The following NFKB1 variants were observed in gnomAD, a reference collection of about 807,000 sequenced individuals.
NFKB1 encodes nuclear factor NF-kappa-B p105 subunit.
Under a neutral mutation model 105.1 loss-of-function variants are expected in NFKB1, and 9 were observed. The ratio of observed to expected loss-of-function variants is 0.09; its 90% CI spans 0.05 to 0.15. NFKB1 has a LOEUF of 0.15. NFKB1 is among the 10% of genes least tolerant of loss of function. The probability of loss-of-function intolerance (pLI) is 1.00; values close to 1 mark genes in which losing one functional copy is unlikely to be tolerated. For synonymous variants in NFKB1, 440 were observed against 442.2 expected (o/e 1.00, Z 0.06); for missense variants, 830 against 1,203.7 (o/e 0.69, Z 4.59).
intron 1 of NFKB1, among the ~76,000 whole-genome samples, chr4:102,507,937 A>G (rs1416525017): frequency 6.6e-6 from 1 of 152,220 alleles, no homozygotes; most frequent in Non-Finnish European, 1.5e-5. Flanking sequence ...TCCCTAATCA[A>G]CCTATTTATT....
chr4:102,573,201 G>A (rs984155504), intron 6 of NFKB1, among the ~76,000 whole-genome samples: 12 of 152,090 alleles, frequency 7.9e-5, no homozygotes, highest in East Asian at 1.9e-4. Context: ...CCAGCTACTC[G>A]AGAGGCCGAG....
At chr4:102,573,484 C>T (rs1389161939) in intron 6 of NFKB1, among the ~76,000 whole-genome samples, 1 of 151,928 alleles carries the variant, frequency 6.6e-6, no homozygotes, top group Admixed American at 6.6e-5. Flanking sequence ...CTTCCTCACT[C>T]GTTTTAAGCA....
At chr4:102,582,211 G>A (rs1195406945) in intron 9 of NFKB1, among the ~76,000 whole-genome samples, 1 of 152,166 alleles carries the variant, frequency 6.6e-6, no homozygotes, top group East Asian at 1.9e-4. Context: ...TGAACTAAGA[G>A]ACTATTATAG....
At chr4:102,568,376 C>G (rs1724048721) in intron 6 of NFKB1, among the ~76,000 whole-genome samples, 1 of 152,130 alleles carries the variant, frequency 6.6e-6, no homozygotes, top group Non-Finnish European at 1.5e-5. Flanking sequence ...TCAACATCCT[C>G]TTGAAAGACT....
At chr4:102,565,316 A>T (rs539667166) in intron 5 of NFKB1, among the ~76,000 whole-genome samples, 112 of 152,286 alleles carry the variant, frequency 7.4e-4, no homozygotes, top group Admixed American at 1.2e-3. Flanking sequence ...AGCCAAGTGC[A>T]TGCATACAGG....
rs776457144 is a variant in NFKB1, at chr4:102,594,951, A to G, written c.1270A>G (p.Thr424Ala). 1 of 1,610,866 alleles carries G rather than the reference A, an allele frequency of 6.2e-7. No individual in the cohort carries two copies. Among genetic ancestry groups the G allele is most frequent in the East Asian group, 2.2e-5 (1 of 44,884 alleles). Residue 424 changes from threonine (T) to alanine (A), a missense_variant, in exon 13 of 24, where the codon ACT becomes GCT. This residue lies in a region of NFKB1 where 163 missense variants were observed against 164.3 expected (regional missense o/e 0.99). Coordinates refer to ENST00000226574, the MANE Select transcript of NFKB1 (RefSeq NM_003998.4). ...TYGGITFHPG[T>A]TKSNAGMKHG... ...TGGTGGGATTACTTTCCATCCTGGA[A>G]CTACTAAATCTAATGCTGGGATGAA...
At chr4:102,514,719 T>C (rs570742370) in intron 1 of NFKB1, among the ~76,000 whole-genome samples, 1 of 152,356 alleles carries the variant, frequency 6.6e-6, no homozygotes, top group East Asian at 1.9e-4. Context: ...TTTGTCATTT[T>C]TTCCATTAGT....
chr4:102,518,792 A>G (rs1436299980), intron 1 of NFKB1, among the ~76,000 whole-genome samples: 1 of 152,266 alleles, frequency 6.6e-6, no homozygotes, highest in East Asian at 1.9e-4. Context: ...AGCTGGTGCT[A>G]GGGAGCCTCA....
chr4:102,616,393 C>G, intron 23 of NFKB1, 41 bp from the exon 24 acceptor site: 1 of 1,605,968 alleles, frequency 6.2e-7, no homozygotes, highest in Non-Finnish European at 8.5e-7. Flanking sequence ...CTTTTTAGAG[C>G]CCGGCCATTC....
intron 5 of NFKB1, among the ~76,000 whole-genome samples, chr4:102,564,978 AG>A (rs1713628287): frequency 6.6e-6 from 1 of 152,224 alleles, no homozygotes; most frequent in South Asian, 2.1e-4. Flanking sequence ...GTCAACACCA[AG>A]AAACACAACT....
At chr4:102,580,671 AGG>A in intron 9 of NFKB1, 32 bp downstream of exon 9, 1 of 1,559,818 alleles carries the variant, frequency 6.4e-7, no homozygotes, top group Non-Finnish European at 8.8e-7. Context: ...TGATCTCAAG[AGG>A]TGTGATCTTG....
At chr4:102,588,995 A>G (rs111290103) in intron 11 of NFKB1, among the ~76,000 whole-genome samples, 177 of 152,308 alleles carry the variant, frequency 1.2e-3, no homozygotes, top group African/African-American at 4.0e-3. Flanking sequence ...TCCCTTGAAT[A>G]TGGAGTGTGA....
chr4:102,508,311 A>G (rs1739559716), intron 1 of NFKB1, among the ~76,000 whole-genome samples: 1 of 152,228 alleles, frequency 6.6e-6, no homozygotes, highest in Non-Finnish European at 1.5e-5. Flanking sequence ...CATGATTTAT[A>G]AAATTAAAAT....
At chr4:102,589,138 A>G (rs191329656) in intron 11 of NFKB1, among the ~76,000 whole-genome samples, 1 of 152,332 alleles carries the variant, frequency 6.6e-6, no homozygotes, top group East Asian at 1.9e-4. Flanking sequence ...TGCCCTTAAA[A>G]TTCCCATTTT....
chr4:102,583,046 C>T, intron 10 of NFKB1, 89 bp downstream of exon 10: 1 of 825,234 alleles, frequency 1.2e-6, no homozygotes, highest in Non-Finnish European at 1.9e-6. Context: ...GTGGTACAAT[C>T]ACAGCTCACT....
intron 1 of NFKB1, 33 bp downstream of exon 1, chr4:102,501,821 A>C (rs1030895945): frequency 6.6e-6 from 1 of 152,552 alleles, no homozygotes; most frequent in Non-Finnish European, 1.5e-5. Flanking sequence ...GGGGCCCGGC[A>C]GGGGACGCGT....
intron 12 of NFKB1, among the ~76,000 whole-genome samples, chr4:102,593,806 T>C (rs904543313): frequency 1.9e-4 from 29 of 152,194 alleles, no homozygotes; most frequent in African/African-American, 7.0e-4. Flanking sequence ...GCCAGTTATT[T>C]AATGAATACC....
intron 23 of NFKB1, among the ~76,000 whole-genome samples, chr4:102,615,261 C>T (rs1728841705): frequency 6.6e-6 from 1 of 152,222 alleles, no homozygotes; most frequent in Non-Finnish European, 1.5e-5. Flanking sequence ...CTGCTTTACT[C>T]GTTTGCTTTC....
chr4:102,604,952 T>C (rs983719223), intron 16 of NFKB1, among the ~76,000 whole-genome samples: 1 of 149,466 alleles, frequency 6.7e-6, no homozygotes, highest in South Asian at 2.1e-4. Flanking sequence ...AAACCATTGA[T>C]TGGACTGTGG....
Sources: gnomAD v4.1 joint callset for allele counts (sites outside exome capture counted in the v4.1 genomes callset) on GRCh38, gnomAD v4.1.1 for gene constraint, gnomAD v4.1.1 regional missense constraint, MANE v1.5 for transcripts, NCBI Gene and HGNC (gene_info 2026-07-23, HGNC 2026-07-21) for gene names.